Variants in MRTFA observed in about 807,000 individuals in gnomAD.
MRTFA encodes the protein myocardin-related transcription factor A.
Under a neutral mutation model 83.5 loss-of-function variants are expected in MRTFA, and 20 were observed. That is an observed-to-expected ratio of 0.24 (90% CI 0.17 to 0.35). The LOEUF is 0.35. Among genes scored for constraint, MRTFA ranks in the 10% least tolerant of loss-of-function variants. The pLI, the probability that MRTFA is intolerant of heterozygous loss-of-function variation, is 1.00. For synonymous variants in MRTFA, 659 were observed against 541.2 expected (o/e 1.22, Z -3.02); for missense variants, 1,200 against 1,224.7 (o/e 0.98, Z 0.30).
chr22:40,488,461 C>A (rs899576978), intron 3 of MRTFA, among the ~76,000 whole-genome samples: 1 of 152,074 alleles, frequency 6.6e-6, no homozygotes, highest in African/African-American at 2.4e-5. Context: ...GGGAGGCTGA[C>A]AGAATTGAGC....
chr22:40,420,352 C>A (rs1602211352), intron 11 of MRTFA, 53 bp downstream of exon 11: 1 of 1,580,726 alleles, frequency 6.3e-7, no homozygotes, highest in South Asian at 1.2e-5. Context: ...CCAGACAGCC[C>A]CTGTGGGAAG....
At chr22:40,570,577 C>CAAA (rs894548892) in intron 2 of MRTFA, among the ~76,000 whole-genome samples, 495 of 23,116 alleles carry the variant, frequency 0.021, 56 homozygotes, top group Non-Finnish European at 0.027. Flanking sequence ...GACTCTGTCT[C>CAAA]AAAAAAAAAA....
chr22:40,586,822 T>C (rs1210434347), intron 2 of MRTFA: 1 of 391,560 alleles, frequency 2.6e-6, no homozygotes, highest in African/African-American at 2.1e-5. Flanking sequence ...CAACCTTCTT[T>C]CCTTTCTTCC....
At chr22:40,423,413 C>T (rs960153398) in intron 9 of MRTFA, 123 bp downstream of exon 9, 10 of 924,362 alleles carry the variant, frequency 1.1e-5, no homozygotes, top group Admixed American at 6.4e-5. Flanking sequence ...AAGAAACTCC[C>T]AGACCAATGG....
At chr22:40,587,388 T>G (rs757441448) in intron 2 of MRTFA, 5 of 380,748 alleles carry the variant, frequency 1.3e-5, no homozygotes, top group African/African-American at 2.1e-5. Context: ...TTAGAGACGA[T>G]GCAGGGTCCC....
At chr22:40,580,456 C>G (rs925900405) in intron 2 of MRTFA, among the ~76,000 whole-genome samples, 1 of 152,200 alleles carries the variant, frequency 6.6e-6, no homozygotes, top group African/African-American at 2.4e-5. Context: ...ACCTTGATCT[C>G]TCAAAGTGTT....
At chr22:40,495,711 A>T (rs2054341750) in intron 3 of MRTFA, among the ~76,000 whole-genome samples, 1 of 148,912 alleles carries the variant, frequency 6.7e-6, no homozygotes, top group Non-Finnish European at 1.5e-5. Flanking sequence ...GTGAGCCGAG[A>T]TCAAGCCACT....
At chr22:40,571,336 T>G (rs1212919451) in intron 2 of MRTFA, among the ~76,000 whole-genome samples, 2 of 151,960 alleles carry the variant, frequency 1.3e-5, no homozygotes, top group Admixed American at 6.6e-5. Context: ...AAAATACAGG[T>G]ATAATCTTCA....
intron 6 of MRTFA, 102 bp downstream of exon 6, chr22:40,431,303 G>T (rs2053064996): frequency 4.4e-6 from 5 of 1,148,402 alleles, no homozygotes; most frequent in Non-Finnish European, 6.5e-6. Context: ...ACTGCCAACA[G>T]AAATGGGAGA....
rs1379620471 is a variant in MRTFA at position 40,435,515 on chromosome 22, C to T, written c.347G>A (p.Ser116Asn). 8.1e-6 allele frequency: 13 copies of T among 1,614,074 alleles called. No individual in the cohort carries two copies. The Admixed American group carries it at 8.3e-5, about 10-fold the overall frequency. The change falls in exon 5 of 15, where the codon AGC (serine) becomes AAC (asparagine). Residue 116 changes from serine to asparagine, a missense_variant. Transcript: ENST00000355630. ...GTACCTTACCCTGGCCCGCTCCAAG[C>T]TCCTTCTCTGCTCATGAAATGCGGC...
At chr22:40,436,242 C>T (rs1181885243) in intron 4 of MRTFA, 1 of 154,564 alleles carries the variant, frequency 6.5e-6, no homozygotes, top group Non-Finnish European at 1.5e-5. Context: ...TCTCAGGACA[C>T]CTGCACACAG....
Position 40,417,496 on chromosome 22 carries a change from G to A in MRTFA, c.2365-3C>T, listed in dbSNP as rs765494633. On this transcript the variant is annotated splice_region_variant and splice_polypyrimidine_tract_variant and intron_variant, in intron 12 of 14. Transcript: ENST00000355630. ...GGAGAGCCAGGCTGGGACGAGGGCT[G>A]GACAGGAGAGCAGGGAGAGGACCAG... 4.0e-6 allele frequency: 6 copies of A among 1,500,250 alleles called. No homozygotes were observed. The allele number at this position is 1,500,250 out of a possible 1,614,324, so 92.9% of individuals were successfully genotyped here.
chr22:40,539,339 ATT>A (rs567459121), intron 3 of MRTFA, among the ~76,000 whole-genome samples: 311 of 129,468 alleles, frequency 2.4e-3, no homozygotes, highest in East Asian at 0.022. Context: ...GTTATTAACA[ATT>A]TTTTTTTTTT....
chr22:40,413,945 G>A (rs1329850651), intron 14 of MRTFA, among the ~76,000 whole-genome samples: 1 of 152,216 alleles, frequency 6.6e-6, no homozygotes, highest in Admixed American at 6.5e-5. Flanking sequence ...TGGTGAGGAG[G>A]TGAAGAAACT....
chr22:40,500,722 A>G (rs2147221604), intron 3 of MRTFA, among the ~76,000 whole-genome samples: 2 of 150,280 alleles, frequency 1.3e-5, no homozygotes, highest in Middle Eastern at 3.4e-3. Context: ...AAGGTCACAG[A>G]TCAACAGGAT....
chr22:40,429,439 A>G, intron 7 of MRTFA, 167 bp downstream of exon 7: 1 of 773,802 alleles, frequency 1.3e-6, no homozygotes, highest in Non-Finnish European at 2.3e-6. Context: ...AGTTCATACA[A>G]CCTGTGCATG....
chr22:40,556,474 T>G (rs2055525977), intron 2 of MRTFA, among the ~76,000 whole-genome samples: 1 of 151,908 alleles, frequency 6.6e-6, no homozygotes, highest in Admixed American at 6.6e-5. Flanking sequence ...AAAAAGATAC[T>G]AAGGACTCTC....
chr22:40,411,297 C>A lies in MRTFA; in HGVS notation c.*93G>T, dbSNP rs1369902960. 4.4e-6 allele frequency: 6 copies of A among 1,354,566 alleles called. No individual in the cohort carries two copies. The highest frequency in any genetic ancestry group is 6.0e-6 in the Non-Finnish European group (6 of 1,000,750). The allele number at this position is 1,354,566 out of a possible 1,614,324, so 83.9% of individuals were successfully genotyped here. On this transcript the variant is annotated 3_prime_UTR_variant, in exon 15 of 15. Transcript: ENST00000355630. ...CAGGGGCTGTGATTGTCAAGACTCA[C>A]AACCATGTGGAGAGGCCGAATCACG...
chr22:40,495,254 C>A (rs1330204270), intron 3 of MRTFA, among the ~76,000 whole-genome samples: 1 of 151,598 alleles, frequency 6.6e-6, no homozygotes, highest in Non-Finnish European at 1.5e-5. Context: ...TACACCGTCT[C>A]GAGATCACAG....
Sources: gnomAD v4.1 joint callset for allele counts (sites outside exome capture counted in the v4.1 genomes callset) on GRCh38, gnomAD v4.1.1 for gene constraint, MANE v1.5 for transcripts, NCBI Gene and HGNC (gene_info 2026-07-23, HGNC 2026-07-21) for gene names.